TNIK: variants seen among roughly 807,000 people sequenced by gnomAD.
TNIK encodes the protein TRAF2 and NCK-interacting protein kinase.
Under a neutral mutation model 191.3 loss-of-function variants are expected in TNIK, and 49 were observed. That is an observed-to-expected ratio of 0.26 (90% confidence interval 0.20 to 0.32). TNIK has a LOEUF of 0.32. Ranked by LOEUF, TNIK falls within the 10% of genes least tolerant of loss-of-function variation. The probability of loss-of-function intolerance (pLI) is 1.00; values close to 1 mark genes in which losing one functional copy is unlikely to be tolerated. For synonymous variants in TNIK, 594 were observed against 600.9 expected (o/e 0.99, Z 0.17); for missense variants, 1,155 against 1,702.3 (o/e 0.68, Z 5.66).
chr3:171,307,776 G>T (rs1215240653), intron 2 of TNIK, among the ~76,000 whole-genome samples: 1 of 152,072 alleles, frequency 6.6e-6, no homozygotes, highest in African/African-American at 2.4e-5. Flanking sequence ...GAGGATCTCT[G>T]AGACCCTTTC....
intron 6 of TNIK, 134 bp from the exon 7 acceptor site, chr3:171,188,966 C>T: frequency 1.8e-6 from 2 of 1,120,140 alleles, no homozygotes; most frequent in Non-Finnish European, 2.5e-6. Flanking sequence ...TTCAAATGTA[C>T]ATTTCTGGGG....
At position 171,131,109 on chromosome 3, in the gene TNIK, C is replaced by T. The variant is rs142228880; in HGVS notation, c.1609-2231G>A. Among the ~76,000 whole-genome samples, 313 of 151,938 alleles carry T rather than the reference C, an allele frequency of 2.1e-3. 2 individuals are homozygous for T. The East Asian group carries it at 0.031, about 15-fold the overall frequency. Reference sequence around the variant, plus strand: ...TTAACAGGGCATTGGGAGGCCGAGGCGGGCGGATCACGAGGTCAGGAGATC... The same window carrying T: ...TTAACAGGGCATTGGGAGGCCGAGGTGGGCGGATCACGAGGTCAGGAGATC... On this transcript the variant is annotated intron_variant, in intron 15 of 32. Transcript: ENST00000436636.
intron 1 of TNIK, among the ~76,000 whole-genome samples, chr3:171,410,942 T>C (rs1722323730): frequency 6.6e-6 from 1 of 152,148 alleles, no homozygotes; most frequent in South Asian, 2.1e-4. Flanking sequence ...GAAGCCACCA[T>C]TAATCCACTA....
At chr3:171,108,002 C>T in intron 20 of TNIK, 63 bp downstream of exon 20, 2 of 1,520,936 alleles carry the variant, frequency 1.3e-6, no homozygotes, top group South Asian at 2.4e-5. Flanking sequence ...TCCCCAACTA[C>T]TTAATCCTGT....
intron 2 of TNIK, among the ~76,000 whole-genome samples, chr3:171,271,456 T>C (rs1749092661): frequency 6.6e-6 from 1 of 152,220 alleles, no homozygotes; most frequent in Non-Finnish European, 1.5e-5. Flanking sequence ...TTGTGTGTCC[T>C]GTCTCCAAGC....
intron 2 of TNIK, among the ~76,000 whole-genome samples, chr3:171,243,010 G>A (rs1197381760): frequency 6.6e-6 from 1 of 152,144 alleles, no homozygotes; most frequent in Non-Finnish European, 1.5e-5. Flanking sequence ...AAATACATAA[G>A]TTCTATTTAG....
intron 1 of TNIK, among the ~76,000 whole-genome samples, chr3:171,401,903 AC>A (rs1389324423): frequency 1.3e-5 from 2 of 152,228 alleles, no homozygotes; most frequent in South Asian, 2.1e-4. Flanking sequence ...CATTGCTACA[AC>A]CACTGTTGTT....
chr3:171,073,181 G>A (rs1358018348), intron 28 of TNIK, among the ~76,000 whole-genome samples: 37 of 152,210 alleles, frequency 2.4e-4, no homozygotes, highest in African/African-American at 8.9e-4. Flanking sequence ...AAAGAAGCAT[G>A]TTACTGATAC....
At chr3:171,301,848 T>C (rs1345398078) in intron 2 of TNIK, among the ~76,000 whole-genome samples, 3 of 152,230 alleles carry the variant, frequency 2.0e-5, no homozygotes, top group African/African-American at 7.2e-5. Flanking sequence ...TTAATGGTAC[T>C]GTGACATGTT....
intron 7 of TNIK, among the ~76,000 whole-genome samples, chr3:171,187,012 A>G (rs1204191864): frequency 6.6e-6 from 1 of 152,236 alleles, no homozygotes. Flanking sequence ...TTACATAACA[A>G]AAGTCCCATA....
intron 1 of TNIK, among the ~76,000 whole-genome samples, chr3:171,459,170 G>C (rs1729115416): frequency 6.6e-6 from 1 of 152,238 alleles, no homozygotes; most frequent in African/African-American, 2.4e-5. Flanking sequence ...GTGGGGCTGG[G>C]GGGAGGGAGG....
rs1196807317 is a variant in TNIK at position 171,312,134 on chromosome 3, AAAAAAAAG to A, written c.123+57478_123+57485del. Among the ~76,000 whole-genome samples, 125 of 127,470 alleles carry A rather than the reference AAAAAAAAG, an allele frequency of 9.8e-4. 2 individuals carry two copies. Among genetic ancestry groups the A allele is most frequent in the South Asian group, 1.7e-3 (7 of 4,148 alleles). The allele number at this position is 127,470 out of a possible 152,430, so 83.6% of individuals were successfully genotyped here. ...AGATTAAAAAAAAAAAAAAAAAAAA[AAAAAAAAG>A]GGCTAGACTGGCATATCTGATTTTA... On this transcript the variant is annotated intron_variant, in intron 2 of 32. Coordinates refer to ENST00000436636, the MANE Select transcript of TNIK (RefSeq NM_015028.4).
intron 4 of TNIK, 144 bp downstream of exon 4, chr3:171,210,972 C>A: frequency 9.4e-7 from 1 of 1,061,612 alleles, no homozygotes; most frequent in Non-Finnish European, 1.3e-6. Flanking sequence ...GGAGAAAACC[C>A]TGAAAACAAT....
At position 171,327,472 on chromosome 3, in the gene TNIK, G is replaced by A. The variant is rs554093138; in HGVS notation, c.123+42148C>T. On this transcript the variant is annotated intron_variant, in intron 2 of 32. Transcript: ENST00000436636. ...GGGCTGGAGGGCTGGACAGTGCTAT[G>A]CCTGGCCGCTAAAACACCCCACAAA... Among the ~76,000 whole-genome samples, 4 of 152,260 alleles carry A rather than the reference G, an allele frequency of 2.6e-5. No homozygotes were observed. In the South Asian group the frequency reaches 8.3e-4, roughly 32 times the overall value.
intron 23 of TNIK, among the ~76,000 whole-genome samples, 181 bp from the exon 24 acceptor site, chr3:171,087,687 T>C (rs1721548922): frequency 6.6e-6 from 1 of 152,198 alleles, no homozygotes; most frequent in Non-Finnish European, 1.5e-5. Context: ...TTTGCCAATA[T>C]TTAGTTTATG....
At chr3:171,357,285 C>T (rs1349023325) in intron 2 of TNIK, among the ~76,000 whole-genome samples, 1 of 151,394 alleles carries the variant, frequency 6.6e-6, no homozygotes, top group African/African-American at 2.4e-5. Context: ...CCAAACTCAG[C>T]AGAATTTTTT....
intron 2 of TNIK, among the ~76,000 whole-genome samples, chr3:171,322,839 C>CTT (rs10617013): frequency 2.8e-4 from 38 of 136,340 alleles, no homozygotes; most frequent in African/African-American, 7.3e-4. Context: ...GTTTTCTTTT[C>CTT]TTTTTTTTTT....
chr3:171,426,442 T>A (rs984665334), intron 1 of TNIK, among the ~76,000 whole-genome samples: 1 of 147,712 alleles, frequency 6.8e-6, no homozygotes, highest in African/African-American at 2.5e-5. Context: ...CATTAGGAGA[T>A]ATACCTAATG....
intron 2 of TNIK, among the ~76,000 whole-genome samples, chr3:171,327,147 G>A (rs1368642017): frequency 6.6e-6 from 1 of 152,192 alleles, no homozygotes; most frequent in Non-Finnish European, 1.5e-5. Flanking sequence ...TTATACCTCA[G>A]TGTGACTTAG....
Sources: gnomAD v4.1 joint callset for allele counts (sites outside exome capture counted in the v4.1 genomes callset) on GRCh38, gnomAD v4.1.1 for gene constraint, MANE v1.5 for transcripts, NCBI Gene and HGNC (gene_info 2026-07-23, HGNC 2026-07-21) for gene names.